CAMSAP1: variants seen among roughly 807,000 people sequenced by gnomAD.
CAMSAP1 encodes the protein calmodulin-regulated spectrin-associated protein 1.
CAMSAP1 carries 58 observed loss-of-function variants against 143.5 expected under a neutral mutation model. That is an observed-to-expected ratio of 0.40 (90% CI 0.33 to 0.50). CAMSAP1 has a LOEUF of 0.50. Among genes scored for constraint, CAMSAP1 ranks in the 20% least tolerant of loss-of-function variants. The probability of loss-of-function intolerance (pLI) is 0.45; values close to 1 mark genes in which losing one functional copy is unlikely to be tolerated. For missense variants in CAMSAP1, 1,969 were observed against 2,115.7 expected, an observed-to-expected ratio of 0.93 and a Z score of 1.36; for synonymous variants, 945 against 859.3, an observed-to-expected ratio of 1.10 and a Z score of -1.74.
chr9:135,827,328 C>A, intron 8 of CAMSAP1, 79 bp downstream of exon 8: 1 of 1,313,122 alleles, frequency 7.6e-7, no homozygotes, highest in Non-Finnish European at 1.0e-6. Flanking sequence ...AAAAAGGTAA[C>A]TTCAATTAAT....
At chr9:135,872,522 T>C (rs1286613582) in intron 3 of CAMSAP1, among the ~76,000 whole-genome samples, 1 of 152,130 alleles carries the variant, frequency 6.6e-6, no homozygotes, top group Non-Finnish European at 1.5e-5. Flanking sequence ...CCAAGCCTTA[T>C]GGATAATCAC....
At position 135,810,445 on chromosome 9, in the gene CAMSAP1, T is replaced by C. The variant is rs1337384268; in HGVS notation, c.*864A>G. 2 of 152,474 alleles carry C rather than the reference T, an allele frequency of 1.3e-5. No individual in the cohort carries two copies. Among genetic ancestry groups the C allele is most frequent in the Non-Finnish European group, 2.9e-5 (2 of 68,036 alleles). 9.4% of individuals were successfully genotyped at this position (152,474 alleles called of 1,614,324 possible). A position where few individuals can be genotyped will look rare whatever the true frequency, so the allele number is the denominator to read the frequency against. ...ATATTCTACTTTACCAAAATCTGTC[T>C]TTATTAAAGTGAACAAACCATTAGA... On this transcript the variant is annotated 3_prime_UTR_variant, in exon 17 of 17. Transcript: ENST00000389532.
chr9:135,884,239 G>A (rs916774191), intron 1 of CAMSAP1, among the ~76,000 whole-genome samples: 3 of 152,106 alleles, frequency 2.0e-5, no homozygotes, highest in Non-Finnish European at 2.9e-5. Context: ...CAGACAACCA[G>A]TAACACTAGA....
chr9:135,826,171 G>C lies in CAMSAP1; in HGVS notation c.1223+1236C>G, dbSNP rs1464988745. The stretch of plus-strand genomic sequence containing the variant: ...AACAGGGTGCAGACAGCAGGTCACA[G>C]AGCAGCGTGTACACGGGCACCAGCA... On this transcript the variant is annotated intron_variant, in intron 8 of 16. Transcript: ENST00000389532. This position sits in a 1 kb window ranked among gnomAD's most constrained non-coding sequence, Gnocchi z 4.4. 6.7e-6 allele frequency: 1 copy of C among 150,230 alleles called. No homozygotes were observed. The highest frequency in any genetic ancestry group is 2.1e-4 in the South Asian group (1 of 4,726). 9.3% of individuals were successfully genotyped at this position (150,230 alleles called of 1,614,324 possible). A position where few individuals can be genotyped will look rare whatever the true frequency, so the allele number is the denominator to read the frequency against.
rs1835430687 is a variant in CAMSAP1 at position 135,821,021 on chromosome 9, C to G, written c.3640G>C (p.Asp1214His). ...SVKEVGSSSS[D>H]VSGKESVPVE... ...GGGACGCTCTCTTTTCCCGAGACATCTGAGGAGCTGGACCCCACCTCCTTC... is the reference window on the plus strand; with the variant it reads ...GGGACGCTCTCTTTTCCCGAGACATGTGAGGAGCTGGACCCCACCTCCTTC... The change falls in exon 11 of 17, where the codon GAT becomes CAT. Residue 1214 changes from aspartate to histidine, a missense_variant. Transcript: ENST00000389532. The surrounding 1 kb of genome is among the most constrained non-coding windows in gnomAD (Gnocchi z 4.6). 2 of 1,613,538 alleles carry G rather than the reference C, an allele frequency of 1.2e-6. No homozygotes were observed. Among genetic ancestry groups the G allele is most frequent in the African/African-American group, 1.3e-5 (1 of 74,922 alleles).
chr9:135,850,343 C>T lies in CAMSAP1; in HGVS notation c.927G>A (p.Leu309=). 1 of 1,609,764 alleles carries T rather than the reference C, an allele frequency of 6.2e-7. No individual in the cohort carries two copies. The highest frequency in any genetic ancestry group is 8.5e-7 in the Non-Finnish European group (1 of 1,178,586). Residue 309 remains leucine, a synonymous_variant, in exon 6 of 17, where the codon CTG becomes CTA. Coordinates refer to ENST00000389532, the MANE Select transcript of CAMSAP1 (RefSeq NM_015447.4). ...TTACCTTCAACACTAATGGCGCATA[C>T]AGCATATCTTCCAAGGTGAGATAAA... ...KCFYLTLEDM[L]YAPLVLKPNV...
rs752384579 is a variant in CAMSAP1 at position 135,820,854 on chromosome 9, G to A, written c.3807C>T (p.Val1269=). 10 of 1,613,040 alleles carry A rather than the reference G, an allele frequency of 6.2e-6. No homozygotes were observed. The highest frequency in any genetic ancestry group is 1.7e-4 in the Middle Eastern group (1 of 6,060). ...AATCCCTTACCTTGAAGAAGAAGCC[G>A]ACCCCCGGCTTCTGGTCGCCTTCGC... The part of the protein sequence containing the change: ...LVSEGDQKPG[V]GFFFKDEQKA... Residue 1269 remains valine, a synonymous_variant, in exon 11 of 17, where the codon GTC becomes GTT. Coordinates refer to ENST00000389532, the MANE Select transcript of CAMSAP1 (RefSeq NM_015447.4). The surrounding 1 kb of genome is among the most constrained non-coding windows in gnomAD (Gnocchi z 4.4).
At position 135,826,204 on chromosome 9, in the gene CAMSAP1, AC is replaced by A. The variant is rs1412587853; in HGVS notation, c.1223+1202del. 1 of 142,136 alleles carries A rather than the reference AC, an allele frequency of 7.0e-6. No individual in the cohort carries two copies. The highest frequency in any genetic ancestry group is 2.7e-5 in the African/African-American group (1 of 36,660). 8.8% of individuals were successfully genotyped at this position (142,136 alleles called of 1,614,324 possible). A position where few individuals can be genotyped will look rare whatever the true frequency, so the allele number is the denominator to read the frequency against. ...TGTACACGGGCACCAGCACACACAC[AC>A]ACACACACACGGCTCAACAACAGAC... On this transcript the variant is annotated intron_variant, in intron 8 of 16. Coordinates refer to ENST00000389532, the MANE Select transcript of CAMSAP1 (RefSeq NM_015447.4). The surrounding 1 kb of genome is among the most constrained non-coding windows in gnomAD (Gnocchi z 4.4).
chr9:135,903,130 C>T (rs946408196), intron 1 of CAMSAP1, among the ~76,000 whole-genome samples: 3 of 152,102 alleles, frequency 2.0e-5, no homozygotes, highest in Non-Finnish European at 2.9e-5. Flanking sequence ...GCACAGTGGC[C>T]GAGATCAACG....
chr9:135,886,982 A>C (rs529345973), intron 1 of CAMSAP1, among the ~76,000 whole-genome samples: 115 of 152,304 alleles, frequency 7.6e-4, no homozygotes, highest in African/African-American at 2.7e-3. Flanking sequence ...AGGAGAGATG[A>C]GCCTGTGGGA....
At chr9:135,884,220 C>A (rs150964574) in intron 1 of CAMSAP1, among the ~76,000 whole-genome samples, 1 of 152,258 alleles carries the variant, frequency 6.6e-6, no homozygotes, top group East Asian at 1.9e-4. Context: ...CCCACTGACT[C>A]CTAGCGTTCA....
rs1345115285 is a variant in CAMSAP1, at chr9:135,907,432, G to A, written c.-273C>T. Among the ~76,000 whole-genome samples, 8 of 146,198 alleles carry A rather than the reference G, an allele frequency of 5.5e-5. 1 individual carries two copies. The South Asian group carries it at 8.3e-4, about 15-fold the overall frequency. On this transcript the variant is annotated 5_prime_UTR_variant, in exon 1 of 17. Transcript: ENST00000389532. ...AGGAGGGCGCGGGCCGGGGGCGGGG[G>A]CGGGCGCGGGGGCGGGAGCGGGCCG...
In CAMSAP1 at chr9:135,818,867, G is replaced by T; in HGVS notation, c.3959+143C>A. On this transcript the variant is annotated intron_variant, in intron 12 of 16. Coordinates refer to ENST00000389532, the MANE Select transcript of CAMSAP1 (RefSeq NM_015447.4). The surrounding 1 kb of genome is among the most constrained non-coding windows in gnomAD (Gnocchi z 7.7). ...AGATCAGCAGGGGCCGTGAAAGTTCGGGGAGGTGGTCCATGGGAGGAGTAA... is the reference window on the plus strand; with the variant it reads ...AGATCAGCAGGGGCCGTGAAAGTTCTGGGAGGTGGTCCATGGGAGGAGTAA... 7.5e-7 allele frequency: 1 copy of T among 1,341,072 alleles called. No individual in the cohort carries two copies. 83.1% of individuals were successfully genotyped at this position (1,341,072 alleles called of 1,614,324 possible). A position where few individuals can be genotyped will look rare whatever the true frequency, so the allele number is the denominator to read the frequency against.
intron 3 of CAMSAP1, among the ~76,000 whole-genome samples, chr9:135,870,007 T>G (rs903975949): frequency 6.6e-6 from 1 of 152,202 alleles, no homozygotes; most frequent in Non-Finnish European, 1.5e-5. Flanking sequence ...GACTGCTAGT[T>G]GCCAGGGGCT....
rs558104005 is a variant in CAMSAP1 at position 135,891,732 on chromosome 9, C to T, written c.161-8654G>A. Among the ~76,000 whole-genome samples, 5 of 152,262 alleles carry T rather than the reference C, an allele frequency of 3.3e-5. No individual in the cohort carries two copies. The South Asian group carries it at 1.0e-3, about 32-fold the overall frequency. The stretch of plus-strand genomic sequence containing the variant: ...AAAGGAAGAGACAACCAACAGAGGC[C>T]AACCCCAAAATGACCCAGATGTTAG... On this transcript the variant is annotated intron_variant, in intron 1 of 16. Transcript: ENST00000389532.
intron 3 of CAMSAP1, among the ~76,000 whole-genome samples, chr9:135,868,680 T>C (rs975172746): frequency 7.0e-6 from 1 of 142,448 alleles, no homozygotes; most frequent in African/African-American, 2.6e-5. Flanking sequence ...TGCGGTGGCA[T>C]GATCTCGGCT....
At chr9:135,901,583 C>A in intron 1 of CAMSAP1, among the ~76,000 whole-genome samples, 1 of 152,160 alleles carries the variant, frequency 6.6e-6, no homozygotes, top group East Asian at 1.9e-4. Flanking sequence ...CCACTGTACT[C>A]CAGCCTGGGC....
intron 5 of CAMSAP1, among the ~76,000 whole-genome samples, chr9:135,852,803 T>C (rs1836826475): frequency 2.0e-5 from 3 of 152,180 alleles, no homozygotes; most frequent in African/African-American, 7.2e-5. Context: ...TGGGACAATT[T>C]AAGCAACAAA....
rs768844481 is a variant in CAMSAP1, at chr9:135,850,204, A to C, written c.978T>G (p.Leu326=). ...GCTTGACATTCTCGAACCACCAAAA[A>C]AGCTCCGCAATAAAAACCATAACAT... The part of the protein sequence containing the change: ...KPNVMVFIAE[L]FWWFENVKPD... Residue 326 remains leucine, a synonymous_variant, in exon 7 of 17, where the codon CTT becomes CTG. Transcript: ENST00000389532. 1 of 1,613,152 alleles carries C rather than the reference A, an allele frequency of 6.2e-7. No homozygotes were observed. The highest frequency in any genetic ancestry group is 8.5e-7 in the Non-Finnish European group (1 of 1,179,574).
Sources: allele counts gnomAD v4.1 joint callset (sites outside exome capture counted in the v4.1 genomes callset), GRCh38; gene constraint gnomAD v4.1.1; non-coding constraint Gnocchi (gnomAD v3.1); transcripts MANE v1.5; gene names NCBI Gene and HGNC (gene_info 2026-07-23, HGNC 2026-07-21).